Variants in GDAP1 observed in about 807,000 individuals in gnomAD.
The protein encoded by GDAP1 is ganglioside induced differentiation associated protein 1.
GDAP1 carries 34 observed loss-of-function variants against 40.1 expected under a neutral mutation model. That is an observed-to-expected ratio of 0.85 (90% CI 0.64 to 1.13). The LOEUF (loss-of-function observed/expected upper bound fraction) is 1.13. Ranked by LOEUF, GDAP1 falls within the 50% of genes most tolerant of loss-of-function variation. GDAP1 has a pLI of 0.00. For synonymous variants in GDAP1, 170 were observed against 157.4 expected (o/e 1.08, Z -0.60); for missense variants, 374 against 433.7 (o/e 0.86, Z 1.22).
intron 2 of GDAP1, among the ~76,000 whole-genome samples, chr8:74,456,536 T>G (rs1806338165): frequency 6.6e-6 from 1 of 151,990 alleles, no homozygotes; most frequent in African/African-American, 2.4e-5. Context: ...CATTCATGTC[T>G]AAATATCTCC....
At chr8:74,431,563 G>T (rs1485773908) in intron 2 of GDAP1, among the ~76,000 whole-genome samples, 1 of 151,966 alleles carries the variant, frequency 6.6e-6, no homozygotes, top group Non-Finnish European at 1.5e-5. Flanking sequence ...CTCACTGCAA[G>T]CTCCGCCTCC....
At chr8:74,391,674 T>C (rs1260846346) in intron 2 of GDAP1, among the ~76,000 whole-genome samples, 1 of 152,072 alleles carries the variant, frequency 6.6e-6, no homozygotes, top group East Asian at 1.9e-4. Flanking sequence ...CAGAGTAGAA[T>C]ATCAATCAGT....
At chr8:74,448,704 A>T (rs1052300385) in intron 2 of GDAP1, among the ~76,000 whole-genome samples, 1 of 151,958 alleles carries the variant, frequency 6.6e-6, no homozygotes, top group African/African-American at 2.4e-5. Flanking sequence ...GAACCTTTTC[A>T]TGTGCTTATT....
At chr8:74,460,532 C>G (rs925548940) in intron 2 of GDAP1, among the ~76,000 whole-genome samples, 9 of 152,192 alleles carry the variant, frequency 5.9e-5, no homozygotes, top group Admixed American at 2.6e-4. Flanking sequence ...TAGTAGACTC[C>G]TTTATGGGAG....
At chr8:74,356,229 G>A (rs1246767747) in intron 2 of GDAP1, among the ~76,000 whole-genome samples, 1 of 152,078 alleles carries the variant, frequency 6.6e-6, no homozygotes, top group Non-Finnish European at 1.5e-5. Flanking sequence ...GCTTTAAAAA[G>A]TAACTTTTCT....
chr8:74,375,861 A>C (rs1809843909), intron 2 of GDAP1, among the ~76,000 whole-genome samples: 1 of 152,254 alleles, frequency 6.6e-6, no homozygotes, highest in South Asian at 2.1e-4. Context: ...TGTAATTGAT[A>C]TGATTTTTCC....
chr8:74,364,116 T>G lies in GDAP1; in HGVS notation c.826T>G (p.Leu276Val), dbSNP rs1809505742. 6.2e-7 allele frequency: 1 copy of G among 1,614,176 alleles called. No homozygotes were observed. Among genetic ancestry groups the G allele is most frequent in the African/African-American group, 1.3e-5 (1 of 75,036 alleles). Residue 276 changes from leucine (L) to valine (V), a missense_variant, in exon 6 of 6, where the codon TTG (leucine) becomes GTG (valine). Coordinates refer to ENST00000220822, the MANE Select transcript of GDAP1 (RefSeq NM_018972.4). ...CTGGGGAAACGGAAAGCGACCAAAC[T>G]TGGAAACCTATTACGAGCGTGTCTT... ...RNWGNGKRPN[L>V]ETYYERVLKR...
intron 2 of GDAP1, among the ~76,000 whole-genome samples, chr8:74,468,028 T>C (rs1165899480): frequency 1.1e-4 from 16 of 152,170 alleles, no homozygotes. Context: ...GTTGAATAGT[T>C]TATCTTTTTA....
Position 74,360,180 on chromosome 8 carries a change from C to A in GDAP1, c.354C>A (p.Tyr118Ter). The change falls in exon 3 of 6, where the codon TAC becomes TAA. Residue 118 changes from tyrosine to a stop codon, truncating the protein, a stop_gained. Coordinates refer to ENST00000220822, the MANE Select transcript of GDAP1 (RefSeq NM_018972.4). LOFTEE classifies it high-confidence loss of function. Reference protein sequence around the residue: ...RLMPDKESMYYPRVQHYRELL... With the variant: ...RLMPDKESMY ...TGCCTGATAAAGAAAGCATGTATTA[C>A]CCACGGGTACAACATTACCGAGAGC... 5 of 1,613,242 alleles carry A rather than the reference C, an allele frequency of 3.1e-6. No individual in the cohort carries two copies. Among genetic ancestry groups the A allele is most frequent in the Non-Finnish European group, 4.2e-6 (5 of 1,179,228 alleles).
At chr8:74,369,573 T>C (rs1192847937), downstream of GDAP1, among the ~76,000 whole-genome samples, 1 of 152,082 alleles carries the variant, frequency 6.6e-6, no homozygotes, top group Non-Finnish European at 1.5e-5. Flanking sequence ...CTAATATGTG[T>C]GTTACGGGAG....
chr8:74,472,422 G>T (rs1216487840), intron 2 of GDAP1, among the ~76,000 whole-genome samples: 2 of 152,168 alleles, frequency 1.3e-5, no homozygotes, highest in Non-Finnish European at 2.9e-5. Context: ...CTTTATGATA[G>T]AATAATTTAT....
At chr8:74,422,305 CTTT>C (rs1563465225) in intron 2 of GDAP1, among the ~76,000 whole-genome samples, 450 of 37,934 alleles carry the variant, frequency 0.012, 9 homozygotes, top group African/African-American at 0.069. Flanking sequence ...TTCTTTCTTT[CTTT>C]CTTTCTTTCT....
At chr8:74,480,897 T>C (rs1422560043) in intron 2 of GDAP1, among the ~76,000 whole-genome samples, 3 of 152,222 alleles carry the variant, frequency 2.0e-5, no homozygotes, top group Admixed American at 6.5e-5. Context: ...GGAATTCATC[T>C]TGGATCCAGT....
At position 74,350,453 on chromosome 8, in the gene GDAP1, C is replaced by G; in HGVS notation, c.-9C>G. ...CAGGCTGGGCGCACCCGTGCTCGCG[C>G]ACCCCAAGATGGCTGAGAGGCAGGA... is the stretch of plus-strand genomic sequence containing the variant. On this transcript the variant is annotated 5_prime_UTR_variant, in exon 1 of 6. Transcript: ENST00000220822. The G allele has an allele frequency of 6.4e-7, 1 of 1,570,932 alleles. No homozygotes were observed. Among genetic ancestry groups the G allele is most frequent in the Non-Finnish European group, 8.8e-7 (1 of 1,142,312 alleles).
At chr8:74,369,650 T>C (rs1809715484), downstream of GDAP1, among the ~76,000 whole-genome samples, 1 of 151,902 alleles carries the variant, frequency 6.6e-6, no homozygotes, top group Admixed American at 6.6e-5. Context: ...TATATATATA[T>C]ATTTAAATAA....
At chr8:74,488,297 T>C (rs760806914) in intron 2 of GDAP1, among the ~76,000 whole-genome samples, 1 of 152,204 alleles carries the variant, frequency 6.6e-6, no homozygotes, top group Non-Finnish European at 1.5e-5. Context: ...TTTTAACTTG[T>C]AAGGCATTTC....
Position 74,381,967 on chromosome 8 carries a change from A to G in GDAP1, c.165+30646A>G, listed in dbSNP as rs571764089. ...TCTGCTTTCGCCTTCATTTCCTTTA[A>G]TATTGGCCACTATGCTGGGGTACAT... On this transcript the variant is annotated intron_variant, in intron 2 of 2. Coordinates refer to the GDAP1 transcript ENST00000523640. 2.6e-5 allele frequency among the ~76,000 whole-genome samples: 4 copies of G among 151,740 alleles called. No homozygotes were observed. In the South Asian group the frequency reaches 8.4e-4, roughly 32 times the overall value.
chr8:74,417,683 G>C (rs748346461), intron 2 of GDAP1, among the ~76,000 whole-genome samples: 4 of 144,474 alleles, frequency 2.8e-5, no homozygotes, highest in Non-Finnish European at 5.9e-5. Context: ...CTTCAACCCA[G>C]GAGGCGGAGG....
intron 2 of GDAP1, among the ~76,000 whole-genome samples, chr8:74,352,494 G>T (rs1219732139): frequency 6.6e-6 from 1 of 152,232 alleles, no homozygotes; most frequent in East Asian, 1.9e-4. Context: ...AAAGTCTCAT[G>T]TACTTAGAAG....
Sources: gnomAD v4.1 joint callset for allele counts (sites outside exome capture counted in the v4.1 genomes callset) on GRCh38, gnomAD v4.1.1 for gene constraint, MANE v1.5 for transcripts, NCBI Gene and HGNC (gene_info 2026-07-23, HGNC 2026-07-21) for gene names.